The following PRKN variants were observed in gnomAD, a reference collection of about 807,000 sequenced individuals.
PRKN encodes the protein parkin RBR E3 ubiquitin protein ligase, also known as E3 ubiquitin-protein ligase parkin.
In PRKN, 56 loss-of-function variants were observed where a neutral mutation model predicts 59.5. That is an observed-to-expected ratio of 0.94 (90% CI 0.76 to 1.18). The LOEUF is 1.18. Among genes scored for constraint, PRKN ranks in the 50% most tolerant of loss-of-function variants. The probability of loss-of-function intolerance (pLI) is 0.00; values close to 1 mark genes in which losing one functional copy is unlikely to be tolerated. For synonymous variants in PRKN, 250 were observed against 222.1 expected (o/e 1.13, Z -1.12); for missense variants, 657 against 596.4 (o/e 1.10, Z -1.06).
chr6:161,607,682 G>C (rs569073131), intron 7 of PRKN, among the ~76,000 whole-genome samples: 1 of 152,146 alleles, frequency 6.6e-6, no homozygotes, highest in Non-Finnish European at 1.5e-5. Flanking sequence ...GACCTAACAC[G>C]TTTCATATCC....
At chr6:162,338,856 T>A (rs1339951879) in intron 2 of PRKN, among the ~76,000 whole-genome samples, 1 of 148,874 alleles carries the variant, frequency 6.7e-6, no homozygotes, top group African/African-American at 2.5e-5. Flanking sequence ...GGAGCGTCTC[T>A]GCCCGGCCGC....
At chr6:161,479,395 T>G (rs556235287) in intron 9 of PRKN, among the ~76,000 whole-genome samples, 2 of 152,318 alleles carry the variant, frequency 1.3e-5, no homozygotes, top group East Asian at 3.9e-4. Flanking sequence ...TCTTACTGGT[T>G]TTTGCTTTTT....
intron 7 of PRKN, among the ~76,000 whole-genome samples, chr6:161,771,355 C>CAAAAAAAAAAAA (rs1208813487): frequency 9.7e-5 from 2 of 20,710 alleles, no homozygotes; most frequent in Non-Finnish European, 1.8e-4. Flanking sequence ...GACTCCACCT[C>CAAAAAAAAAAAA]AAAAAAAAAA....
intron 2 of PRKN, among the ~76,000 whole-genome samples, chr6:162,395,034 G>C (rs1335609316): frequency 2.0e-5 from 3 of 152,134 alleles, no homozygotes; most frequent in African/African-American, 7.2e-5. Context: ...TTTGCAGGTA[G>C]TGAACCCCCA....
intron 5 of PRKN, among the ~76,000 whole-genome samples, chr6:162,014,489 T>C (rs1340408917): frequency 6.6e-6 from 1 of 152,130 alleles, no homozygotes; most frequent in African/African-American, 2.4e-5. Context: ...TTGAGCTCTC[T>C]TCACCTGGCC....
intron 1 of PRKN, among the ~76,000 whole-genome samples, chr6:162,655,645 C>T (rs371634084): frequency 6.6e-6 from 1 of 152,068 alleles, no homozygotes; most frequent in African/African-American, 2.4e-5. Context: ...CTTTGGAATT[C>T]AATCACAGAA....
Position 162,657,205 on chromosome 6 carries a change from T to C in PRKN, c.7+70457A>G, listed in dbSNP as rs554895175. Among the ~76,000 whole-genome samples the C allele has an allele frequency of 2.6e-4, 39 of 152,328 alleles. 1 individual carries two copies. The highest frequency in any genetic ancestry group is 2.2e-3 in the Admixed American group (34 of 15,294). ...ATTGATGCAATTATCCATAGTAGAT[T>C]ATTATATCCTTGACAGAGCCAGTGT... is the stretch of plus-strand genomic sequence containing the variant. On this transcript the variant is annotated intron_variant, in intron 1 of 11. Transcript: ENST00000366898.
At chr6:162,522,176 T>C (rs1778104099) in intron 1 of PRKN, among the ~76,000 whole-genome samples, 1 of 152,152 alleles carries the variant, frequency 6.6e-6, no homozygotes, top group Non-Finnish European at 1.5e-5. Context: ...CAGGCTAGAG[T>C]GTAGTGGGGC....
In PRKN at chr6:162,514,918, T is replaced by C. The variant is rs575944934; in HGVS notation, c.8-71445A>G. 1.3e-5 allele frequency among the ~76,000 whole-genome samples: 2 copies of C among 151,552 alleles called. 1 individual carries two copies. The highest frequency in any genetic ancestry group is 4.2e-4 in the South Asian group (2 of 4,720). On this transcript the variant is annotated intron_variant, in intron 1 of 11. Coordinates refer to ENST00000366898, the MANE Select transcript of PRKN (RefSeq NM_004562.3). ...GTTAATAGAAAGTATTTCTGATTTG[T>C]AATATTATATTGCAGACATTAGATT...
intron 6 of PRKN, among the ~76,000 whole-genome samples, chr6:161,896,988 C>T (rs1777652293): frequency 6.6e-6 from 1 of 152,194 alleles, no homozygotes; most frequent in Admixed American, 6.5e-5. Flanking sequence ...AATTGGAGGA[C>T]AGGAAGAAAT....
intron 4 of PRKN, among the ~76,000 whole-genome samples, chr6:162,199,254 G>A (rs1784623320): frequency 6.6e-6 from 1 of 151,368 alleles, no homozygotes; most frequent in Non-Finnish European, 1.5e-5. Flanking sequence ...GGAGTTAAAT[G>A]TTTAGATTAG....
intron 5 of PRKN, among the ~76,000 whole-genome samples, chr6:162,037,406 G>A (rs1470004100): frequency 6.6e-6 from 1 of 152,116 alleles, no homozygotes; most frequent in East Asian, 1.9e-4. Context: ...CACAAAAACA[G>A]GTGTATGTGT....
rs71544937 is a variant in PRKN, at chr6:162,548,052, T to TTTTTTGTTTTTG, written c.8-104591_8-104580dup. Among the ~76,000 whole-genome samples, 4 of 151,432 alleles carry TTTTTTGTTTTTG rather than the reference T, an allele frequency of 2.6e-5. No individual in the cohort carries two copies. In the East Asian group the frequency reaches 7.8e-4, roughly 30 times the overall value. ...AGGTGGCCCCTACTTCCTCTCTGAG[T>TTTTTTGTTTTTG]TTTTTGTTTTTGTTTTTGTTTTTGT... On this transcript the variant is annotated intron_variant, in intron 1 of 11. Coordinates refer to ENST00000366898, the MANE Select transcript of PRKN (RefSeq NM_004562.3).
At chr6:162,678,624 T>G (rs1204800879) in intron 1 of PRKN, among the ~76,000 whole-genome samples, 1 of 152,220 alleles carries the variant, frequency 6.6e-6, no homozygotes, top group East Asian at 1.9e-4. Flanking sequence ...TCAGATCTAT[T>G]GTCTATGTTT....
chr6:161,857,483 C>T (rs1428453639), intron 6 of PRKN, among the ~76,000 whole-genome samples: 1 of 152,218 alleles, frequency 6.6e-6, no homozygotes, highest in African/African-American at 2.4e-5. Context: ...CTGAAAGCAG[C>T]ATGAGCTAGT....
chr6:161,563,300 A>G (rs546161792), intron 8 of PRKN, among the ~76,000 whole-genome samples: 3 of 152,296 alleles, frequency 2.0e-5, no homozygotes, highest in Middle Eastern at 3.4e-3. Context: ...GAAAGTATTC[A>G]ATACATTTTT....
chr6:162,677,466 G>GAAAAA (rs10712151), intron 1 of PRKN, among the ~76,000 whole-genome samples: 2 of 91,406 alleles, frequency 2.2e-5, no homozygotes, highest in South Asian at 4.5e-4. Context: ...GCACTGTGGA[G>GAAAAA]AAAAAAAAAA....
At chr6:161,776,749 CAGCAGAGA>C (rs1286198712) in intron 7 of PRKN, among the ~76,000 whole-genome samples, 1 of 152,182 alleles carries the variant, frequency 6.6e-6, no homozygotes, top group East Asian at 1.9e-4. Flanking sequence ...AGAGGCAGGG[CAGCAGAGA>C]AGCAGGAGTA....
intron 4 of PRKN, among the ~76,000 whole-genome samples, chr6:162,060,707 T>TAA (rs1778066748): frequency 6.6e-6 from 1 of 152,232 alleles, no homozygotes; most frequent in African/African-American, 2.4e-5. Context: ...AAATAAATGC[T>TAA]ATAATCTGCT....
Sources: gnomAD v4.1 joint callset for allele counts (sites outside exome capture counted in the v4.1 genomes callset) on GRCh38, gnomAD v4.1.1 for gene constraint, MANE v1.5 for transcripts, NCBI Gene and HGNC (gene_info 2026-07-23, HGNC 2026-07-21) for gene names.